Variants in AKT3 observed in about 807,000 individuals in gnomAD.
AKT3 encodes RAC-gamma serine/threonine-protein kinase.
AKT3 carries 15 observed loss-of-function variants against 65.3 expected under a neutral mutation model. The observed-to-expected ratio is 0.23, with a 90% CI of 0.15 to 0.35. The LOEUF (loss-of-function observed/expected upper bound fraction) is 0.35, where lower values mean the gene tolerates loss of function less well. Among genes scored for constraint, AKT3 ranks in the 10% least tolerant of loss-of-function variants. The pLI, the probability that AKT3 is intolerant of heterozygous loss-of-function variation, is 1.00. For synonymous variants in AKT3, 206 were observed against 183.8 expected, an observed-to-expected ratio of 1.12 and a Z score of -0.98; for missense variants, 243 against 576.5, an observed-to-expected ratio of 0.42 and a Z score of 5.92.
At chr1:243,829,362 C>T (rs1271967492) in intron 2 of AKT3, among the ~76,000 whole-genome samples, 12 of 152,038 alleles carry the variant, frequency 7.9e-5, no homozygotes, top group Admixed American at 7.9e-4. Context: ...GTAAGTATGA[C>T]CTCAATGGTC....
Position 243,642,455 on chromosome 1 carries a change from G to A in AKT3, c.429+3438C>T, listed in dbSNP as rs190168835. Among the ~76,000 whole-genome samples the A allele has an allele frequency of 1.0e-3, 154 of 152,204 alleles. 1 individual carries two copies. The highest frequency in any genetic ancestry group is 5.9e-3 in the Admixed American group (90 of 15,294). On this transcript the variant is annotated intron_variant, in intron 5 of 13. Transcript: ENST00000673466. ...CTCCCGAGTAGCTGGGACTACAGGC[G>A]CCCGCCACCACGCCTGGTTAATTTT... is the stretch of plus-strand genomic sequence containing the variant.
rs1479763596 is a variant in AKT3 at position 243,620,354 on chromosome 1, TTATA to T, written c.562-5197_562-5194del. Among the ~76,000 whole-genome samples, 112 of 64,938 alleles carry T rather than the reference TTATA, an allele frequency of 1.7e-3. 2 individuals are homozygous for T. Among genetic ancestry groups the T allele is most frequent in the Middle Eastern group, 8.1e-3 (1 of 124 alleles). 42.6% of individuals were successfully genotyped at this position (64,938 alleles called of 152,430 possible). ...AAATTACCCAATCTTGGGCAGTTCT[TTATA>T]CCAGTGTGAGAATGAACTAATACAG... On this transcript the variant is annotated intron_variant, in intron 6 of 13. Transcript: ENST00000673466.
At chr1:243,529,254 T>C (rs952606464) in intron 12 of AKT3, among the ~76,000 whole-genome samples, 3 of 151,392 alleles carry the variant, frequency 2.0e-5, no homozygotes, top group Non-Finnish European at 4.4e-5. Flanking sequence ...TCTGCAGAGG[T>C]CTGTTTACTC....
intron 2 of AKT3, among the ~76,000 whole-genome samples, chr1:243,766,834 C>T (rs146291702): frequency 6.6e-6 from 1 of 152,002 alleles, no homozygotes; most frequent in Non-Finnish European, 1.5e-5. Context: ...AGCACGTGCA[C>T]AGGGGACTGA....
chr1:243,768,716 T>C (rs973501266), intron 2 of AKT3, among the ~76,000 whole-genome samples: 4 of 151,060 alleles, frequency 2.6e-5, no homozygotes, highest in African/African-American at 7.3e-5. Context: ...GCGCCTGTAA[T>C]CCCACCTACT....
intron 3 of AKT3, among the ~76,000 whole-genome samples, chr1:243,677,600 T>C (rs1418880384): frequency 1.3e-5 from 2 of 152,178 alleles, no homozygotes; most frequent in African/African-American, 4.8e-5. Flanking sequence ...TTTTTGATTT[T>C]GGAGCAACAG....
At chr1:243,592,497 G>A (rs569351063) in intron 8 of AKT3, among the ~76,000 whole-genome samples, 1 of 152,044 alleles carries the variant, frequency 6.6e-6, no homozygotes, top group Non-Finnish European at 1.5e-5. Flanking sequence ...GAAGCACAGA[G>A]GAACAAAGCA....
intron 11 of AKT3, among the ~76,000 whole-genome samples, chr1:243,552,288 CAAA>C (rs33995513): frequency 2.4e-4 from 12 of 50,166 alleles, no homozygotes; most frequent in African/African-American, 1.1e-3. Context: ...GACTCTGTCT[CAAA>C]AAAAAAAAAA....
intron 11 of AKT3, 38 bp from the exon 12 acceptor site, chr1:243,545,635 A>T (rs1168499730): frequency 7.1e-7 from 1 of 1,402,250 alleles, no homozygotes. Flanking sequence ...AGTATAAAAC[A>T]TTTACATAAG....
Position 243,632,064 on chromosome 1 carries a change from C to A in AKT3, c.561+5547G>T, listed in dbSNP as rs1679649984. On this transcript the variant is annotated intron_variant, in intron 6 of 13. Coordinates refer to ENST00000673466, the MANE Select transcript of AKT3 (RefSeq NM_005465.7). ...CTATTAATGTTGATATTCTGACCTCCTTCCATGAACATTCATGAAGACTGA... is the reference window on the plus strand; with the variant it reads ...CTATTAATGTTGATATTCTGACCTCATTCCATGAACATTCATGAAGACTGA... Among the ~76,000 whole-genome samples the A allele has an allele frequency of 2.0e-5, 3 of 152,184 alleles. No individual in the cohort carries two copies. In the South Asian group the frequency reaches 6.2e-4, roughly 32 times the overall value.
At chr1:243,812,950 A>G (rs188697931) in intron 2 of AKT3, among the ~76,000 whole-genome samples, 2 of 145,966 alleles carry the variant, frequency 1.4e-5, no homozygotes, top group African/African-American at 2.5e-5. Flanking sequence ...GTTCTCACTC[A>G]TAGGTGGCAT....
upstream of AKT3, among the ~76,000 whole-genome samples, chr1:243,850,295 AGGC>A (rs34490111): frequency 4.6e-3 from 541 of 118,314 alleles, 1 homozygote; most frequent in African/African-American, 0.016. Context: ...CTGGAGCGGG[AGGC>A]GGCGGCGGCG....
At chr1:243,744,588 A>C (rs2148187681) in intron 2 of AKT3, among the ~76,000 whole-genome samples, 1 of 151,572 alleles carries the variant, frequency 6.6e-6, no homozygotes, top group East Asian at 1.9e-4. Flanking sequence ...AAATACAAAA[A>C]ATTAGCCGGG....
intron 2 of AKT3, among the ~76,000 whole-genome samples, chr1:243,830,038 C>T (rs532869547): frequency 1.3e-5 from 2 of 152,292 alleles, no homozygotes; most frequent in African/African-American, 4.8e-5. Context: ...GATACCAATA[C>T]AGTCAGCCCT....
intron 9 of AKT3, among the ~76,000 whole-genome samples, chr1:243,568,560 A>G (rs1674341747): frequency 6.6e-6 from 1 of 152,158 alleles, no homozygotes; most frequent in Non-Finnish European, 1.5e-5. Context: ...CAGTGTGTAT[A>G]TGAAGAAATG....
intron 2 of AKT3, among the ~76,000 whole-genome samples, chr1:243,727,550 G>A (rs1458387132): frequency 6.6e-6 from 1 of 152,102 alleles, no homozygotes; most frequent in Non-Finnish European, 1.5e-5. Flanking sequence ...CAAATTGCCA[G>A]GATTACAGGT....
intron 8 of AKT3, among the ~76,000 whole-genome samples, chr1:243,593,320 A>C (rs1676364094): frequency 6.6e-6 from 1 of 152,234 alleles, no homozygotes. Flanking sequence ...ATGATAATAC[A>C]TTATGACTAA....
At chr1:243,710,755 A>C (rs1686095263) in intron 2 of AKT3, among the ~76,000 whole-genome samples, 1 of 152,202 alleles carries the variant, frequency 6.6e-6, no homozygotes, top group Non-Finnish European at 1.5e-5. Context: ...TACTTCTCTA[A>C]GAAAACACTT....
Position 243,607,630 on chromosome 1 carries a change from G to C in AKT3, c.696+6041C>G, listed in dbSNP as rs192423250. Among the ~76,000 whole-genome samples the C allele has an allele frequency of 1.3e-4, 20 of 152,220 alleles. No individual in the cohort carries two copies. The East Asian group carries it at 3.9e-3, about 29-fold the overall frequency. ...ATGAGACTTTGAACTTGGACTTTTG[G>C]GATATTGCTGAAATGAATTAAGACT... On this transcript the variant is annotated intron_variant, in intron 8 of 13. Transcript: ENST00000673466.
Sources: allele counts gnomAD v4.1 joint callset (sites outside exome capture counted in the v4.1 genomes callset), GRCh38; gene constraint gnomAD v4.1.1; transcripts MANE v1.5; gene names NCBI Gene and HGNC (gene_info 2026-07-23, HGNC 2026-07-21).